The following BACH2 variants were observed in gnomAD, a reference collection of about 807,000 sequenced individuals.
The protein encoded by BACH2 is transcription regulator protein BACH2.
A neutral mutation model predicts 61.8 loss-of-function variants in BACH2; 5 were observed. The ratio of observed to expected loss-of-function variants is 0.08; its 90% CI spans 0.04 to 0.17. The LOEUF (loss-of-function observed/expected upper bound fraction) is 0.17. Among genes scored for constraint, BACH2 ranks in the 10% least tolerant of loss-of-function variants. The pLI is 1.00. For missense variants in BACH2, 824 were observed against 1,091.1 expected, an observed-to-expected ratio of 0.76 and a Z score of 3.45; for synonymous variants, 446 against 440.1, an observed-to-expected ratio of 1.01 and a Z score of -0.17.
At chr6:90,294,694 C>T (rs1024936282) in intron 1 of BACH2, among the ~76,000 whole-genome samples, 11 of 152,126 alleles carry the variant, frequency 7.2e-5, no homozygotes, top group Non-Finnish European at 1.2e-4. Flanking sequence ...GGGAGGTGCC[C>T]GAGAACCAGG....
chr6:89,934,846 G>C (rs1316548085), intron 8 of BACH2, among the ~76,000 whole-genome samples: 1 of 151,992 alleles, frequency 6.6e-6, no homozygotes. Context: ...GGAGGAGCAG[G>C]CATGCGACAC....
chr6:90,100,234 A>C (rs1782556213), intron 4 of BACH2, among the ~76,000 whole-genome samples: 1 of 152,220 alleles, frequency 6.6e-6, no homozygotes, highest in African/African-American at 2.4e-5. Context: ...AATGCTGCCA[A>C]GAACATTTTT....
chr6:89,935,684 G>A (rs145495494), intron 8 of BACH2, among the ~76,000 whole-genome samples: 1 of 152,344 alleles, frequency 6.6e-6, no homozygotes, highest in East Asian at 1.9e-4. Context: ...TGCTAGCAAA[G>A]CGCTTTAGAT....
intron 6 of BACH2, among the ~76,000 whole-genome samples, chr6:89,963,202 T>A (rs1774848410): frequency 6.6e-6 from 1 of 152,152 alleles, no homozygotes; most frequent in African/African-American, 2.4e-5. Context: ...TTACACCCAC[T>A]GGGATGACTA....
At chr6:90,093,847 T>A (rs913135119) in intron 4 of BACH2, among the ~76,000 whole-genome samples, 2 of 152,200 alleles carry the variant, frequency 1.3e-5, no homozygotes, top group African/African-American at 4.8e-5. Flanking sequence ...AATCTTGAAG[T>A]AGCTCACCAG....
At chr6:90,176,953 C>T (rs934505823) in intron 4 of BACH2, among the ~76,000 whole-genome samples, 3 of 152,144 alleles carry the variant, frequency 2.0e-5, no homozygotes. Context: ...GCTTCTCTGG[C>T]TGGAGACTTT....
At chr6:89,982,769 A>G (rs1266451102) in intron 6 of BACH2, among the ~76,000 whole-genome samples, 1 of 152,100 alleles carries the variant, frequency 6.6e-6, no homozygotes, top group African/African-American at 2.4e-5. Context: ...TGTTTTGGAG[A>G]GTATAAGTAA....
chr6:89,966,191 C>T (rs1775038900), intron 6 of BACH2, among the ~76,000 whole-genome samples: 2 of 152,154 alleles, frequency 1.3e-5, no homozygotes, highest in South Asian at 4.1e-4. Flanking sequence ...TCATCTAAGT[C>T]CTTTACCAAC....
At chr6:90,039,835 T>TATATCAGTTCATAAC (rs1289830841) in intron 5 of BACH2, among the ~76,000 whole-genome samples, 1 of 152,252 alleles carries the variant, frequency 6.6e-6, no homozygotes, top group Non-Finnish European at 1.5e-5. Context: ...ATGACACTGA[T>TATATCAGTTCATAAC]ATATTTCATG....
chr6:89,996,426 A>C (rs1237784026), intron 6 of BACH2, among the ~76,000 whole-genome samples: 1 of 152,232 alleles, frequency 6.6e-6, no homozygotes, highest in Non-Finnish European at 1.5e-5. Flanking sequence ...ACAATGTTTC[A>C]TGAATTCCTA....
At chr6:90,121,841 C>A (rs1405348562) in intron 4 of BACH2, among the ~76,000 whole-genome samples, 1 of 152,122 alleles carries the variant, frequency 6.6e-6, no homozygotes. Flanking sequence ...CCACCGTGCC[C>A]GGCCACCTTT....
At chr6:90,116,365 T>A (rs1783398369) in intron 4 of BACH2, among the ~76,000 whole-genome samples, 1 of 152,172 alleles carries the variant, frequency 6.6e-6, no homozygotes, top group African/African-American at 2.4e-5. Flanking sequence ...AGCTGGAGGC[T>A]ATCACCCTTA....
intron 5 of BACH2, among the ~76,000 whole-genome samples, chr6:90,073,446 G>A (rs1398409744): frequency 1.3e-5 from 2 of 152,174 alleles, no homozygotes; most frequent in East Asian, 3.8e-4. Flanking sequence ...CAGAGATCGA[G>A]ATGAAACATT....
chr6:90,289,198 G>C (rs1186890505), intron 1 of BACH2, among the ~76,000 whole-genome samples: 1 of 152,208 alleles, frequency 6.6e-6, no homozygotes, highest in Non-Finnish European at 1.5e-5. Context: ...AACTGCTAAA[G>C]AGAGTTCCAA....
intron 5 of BACH2, among the ~76,000 whole-genome samples, chr6:90,070,229 T>C (rs901294682): frequency 6.6e-5 from 10 of 152,134 alleles, no homozygotes; most frequent in Non-Finnish European, 1.5e-4. Flanking sequence ...TCCTTCATCT[T>C]CCTTAAACCT....
At chr6:90,024,992 T>C (rs1189020743) in intron 5 of BACH2, among the ~76,000 whole-genome samples, 1 of 152,172 alleles carries the variant, frequency 6.6e-6, no homozygotes, top group Non-Finnish European at 1.5e-5. Context: ...CCTCTCCTCT[T>C]GTCTCCACCC....
chr6:89,990,070 C>T (rs574397141), intron 6 of BACH2, among the ~76,000 whole-genome samples: 5 of 152,262 alleles, frequency 3.3e-5, no homozygotes, highest in South Asian at 2.1e-4. Context: ...GGGGCCACTC[C>T]CACAATGCCA....
At chr6:90,054,883 C>A (rs1218169104) in intron 5 of BACH2, among the ~76,000 whole-genome samples, 6 of 152,202 alleles carry the variant, frequency 3.9e-5, no homozygotes, top group African/African-American at 1.2e-4. Flanking sequence ...GGACCTCTAG[C>A]AAACTCCAAC....
At chr6:89,975,895 T>G (rs1029529166) in intron 6 of BACH2, among the ~76,000 whole-genome samples, 2 of 152,244 alleles carry the variant, frequency 1.3e-5, no homozygotes, top group Non-Finnish European at 2.9e-5. Flanking sequence ...GCTTTCTTCA[T>G]AATACAGTCT....
Sources: gnomAD v4.1 joint callset for allele counts (sites outside exome capture counted in the v4.1 genomes callset) on GRCh38, gnomAD v4.1.1 for gene constraint, MANE v1.5 for transcripts, NCBI Gene and HGNC (gene_info 2026-07-23, HGNC 2026-07-21) for gene names.